NXPE2: variants seen among roughly 807,000 people sequenced by gnomAD.
NXPE2 encodes the protein neurexophilin and PC-esterase domain family member 2.
Under a neutral mutation model 34.4 loss-of-function variants are expected in NXPE2, and 34 were observed. The ratio of observed to expected loss-of-function variants is 0.99; its 90% CI spans 0.75 to 1.31. The LOEUF (loss-of-function observed/expected upper bound fraction) is 1.31. Among genes scored for constraint, NXPE2 ranks in the 40% most tolerant of loss-of-function variants. NXPE2 has a pLI of 0.00. For synonymous variants in NXPE2, 235 were observed against 231.3 expected (o/e 1.02, Z -0.15); for missense variants, 649 against 672.5 (o/e 0.97, Z 0.39).
At chr11:114,767,564 C>A in the NXPE2 span, among the ~76,000 whole-genome samples, 1 of 152,122 alleles carries the variant, frequency 6.6e-6, no homozygotes, top group Non-Finnish European at 1.5e-5. Flanking sequence ...TGTGAGTTTA[C>A]TGAGAGTGGA....
the NXPE2 span, among the ~76,000 whole-genome samples, chr11:114,807,014 A>C: frequency 3.3e-5 from 5 of 152,172 alleles, no homozygotes; most frequent in African/African-American, 1.2e-4. Context: ...TCTACGAGCC[A>C]GAAGAGAGTG....
At chr11:114,571,305 G>A in the NXPE2 span, 1 of 1,614,030 alleles carries the variant, frequency 6.2e-7, no homozygotes, top group Non-Finnish European at 8.5e-7. Context: ...TTCTCCTCCA[G>A]TTCTGTCAAT....
chr11:114,626,468 G>T, the NXPE2 span, among the ~76,000 whole-genome samples: 1 of 152,108 alleles, frequency 6.6e-6, no homozygotes, highest in South Asian at 2.1e-4. Flanking sequence ...TGACGGTCCT[G>T]TCTGTTAGAA....
the NXPE2 span, chr11:114,528,989 G>A: frequency 4.0e-5 from 17 of 425,354 alleles, no homozygotes; most frequent in Non-Finnish European, 6.3e-5. Flanking sequence ...AGGGAGCCAG[G>A]GACTATAGAT....
the NXPE2 span, among the ~76,000 whole-genome samples, chr11:114,747,038 G>A: frequency 6.6e-6 from 1 of 152,118 alleles, no homozygotes; most frequent in Admixed American, 6.6e-5. Context: ...GTAGTAGTGT[G>A]TCACAAAATG....
chr11:114,704,109 G>T, intron 4 of NXPE2, 57 bp downstream of exon 4: 1 of 1,231,228 alleles, frequency 8.1e-7, no homozygotes, highest in South Asian at 1.3e-5. Flanking sequence ...GAAAGGACAT[G>T]CTTACTTAGA....
the NXPE2 span, among the ~76,000 whole-genome samples, chr11:114,479,354 A>G: frequency 6.6e-5 from 10 of 152,206 alleles, no homozygotes; most frequent in Admixed American, 6.5e-4. Context: ...AGTTAGGCAA[A>G]GAATAAGGGT....
At chr11:114,543,817 C>T in the NXPE2 span, among the ~76,000 whole-genome samples, 1 of 152,134 alleles carries the variant, frequency 6.6e-6, no homozygotes, top group East Asian at 1.9e-4. Flanking sequence ...AATTACATGA[C>T]TGTCTACGTA....
the NXPE2 span, among the ~76,000 whole-genome samples, chr11:114,801,100 A>T: frequency 6.6e-6 from 1 of 152,218 alleles, no homozygotes; most frequent in African/African-American, 2.4e-5. Flanking sequence ...GCTATTCTAG[A>T]TGCTGAGGTT....
At chr11:114,505,504 C>T in the NXPE2 span, among the ~76,000 whole-genome samples, 1 of 152,104 alleles carries the variant, frequency 6.6e-6, no homozygotes, top group Non-Finnish European at 1.5e-5. Context: ...CAAAGGGAAG[C>T]CCATCAGATG....
At chr11:114,663,937 A>G in the NXPE2 span, among the ~76,000 whole-genome samples, 2 of 152,184 alleles carry the variant, frequency 1.3e-5, no homozygotes, top group South Asian at 4.1e-4. Context: ...ACTTTGGCAC[A>G]TTGCTGATGG....
the NXPE2 span, among the ~76,000 whole-genome samples, chr11:114,810,326 C>T: frequency 3.4e-4 from 50 of 148,948 alleles, no homozygotes; most frequent in African/African-American, 1.2e-3. Context: ...GCAACAAAAG[C>T]CAAAATTGAC....
At chr11:114,504,550 T>C in the NXPE2 span, among the ~76,000 whole-genome samples, 1 of 152,160 alleles carries the variant, frequency 6.6e-6, no homozygotes, top group Non-Finnish European at 1.5e-5. Flanking sequence ...CACAGTGGAC[T>C]CCAAACCTTG....
At chr11:114,601,452 T>C in the NXPE2 span, among the ~76,000 whole-genome samples, 14 of 125,260 alleles carry the variant, frequency 1.1e-4, no homozygotes, top group East Asian at 2.9e-3. Context: ...TATATATTTA[T>C]ATTATATATA....
the NXPE2 span, among the ~76,000 whole-genome samples, chr11:114,628,636 C>A: frequency 6.7e-6 from 1 of 148,620 alleles, no homozygotes; most frequent in South Asian, 2.2e-4. Flanking sequence ...CAAACACATT[C>A]AAAAGCTAGC....
the NXPE2 span, among the ~76,000 whole-genome samples, chr11:114,740,936 TA>T: frequency 5.8e-4 from 89 of 152,336 alleles, no homozygotes; most frequent in South Asian, 0.016. Context: ...TCTCTTGTGA[TA>T]GTTTTTAACT....
chr11:114,553,769 G>A, the NXPE2 span: 1 of 985,302 alleles, frequency 1.0e-6, no homozygotes, highest in African/African-American at 1.7e-5. Flanking sequence ...ACTGGTAGAG[G>A]TGAGCTGAAC....
chr11:114,657,424 A>C, the NXPE2 span, among the ~76,000 whole-genome samples: 2 of 152,226 alleles, frequency 1.3e-5, no homozygotes, highest in African/African-American at 4.8e-5. Flanking sequence ...AAAGCTCAGC[A>C]GTATTAGTGA....
At chr11:114,697,425 C>T (rs1327457112) in intron 2 of NXPE2, among the ~76,000 whole-genome samples, 5 of 152,180 alleles carry the variant, frequency 3.3e-5, no homozygotes, top group Non-Finnish European at 1.5e-5. Context: ...AAGGAACCAA[C>T]CCTGTTGACA....
Sources: allele counts gnomAD v4.1 joint callset (sites outside exome capture counted in the v4.1 genomes callset), GRCh38; gene constraint gnomAD v4.1.1; transcripts MANE v1.5; gene names NCBI Gene and HGNC (gene_info 2026-07-23, HGNC 2026-07-21).